Variants in PCDHB13 observed in about 807,000 individuals in gnomAD.
PCDHB13 encodes the protein protocadherin beta-13.
For missense variants in PCDHB13, 1,065 were observed against 1,016.7 expected (o/e 1.05, Z -0.65); for synonymous variants, 515 against 450.7 (o/e 1.14, Z -1.81).
In PCDHB13 at chr5:141,215,465, G is replaced by T. The variant is rs560843627; in HGVS notation, c.1342G>T (p.Ala448Ser). ...GCTGATCGCCGATGTCAATGACAAC[G>T]CTCCCGCCTTCACCCAAACCTCCTA... ...TVLIADVNDNAPAFTQTSYTL... is the reference protein window; with the variant it reads ...TVLIADVNDNSPAFTQTSYTL... Residue 448 changes from alanine (A) to serine (S), a missense_variant, in exon 1 of 1, where the codon GCT (alanine) becomes TCT (serine). Ala to Ser is a moderately conservative substitution (Grantham distance 99, BLOSUM62 1). Transcript: ENST00000341948. The T allele has an allele frequency of 1.3e-4, 202 of 1,613,926 alleles. No individual in the cohort carries two copies. Among genetic ancestry groups the T allele is most frequent in the Non-Finnish European group, 1.7e-4 (196 of 1,180,020 alleles).
Position 141,217,892 on chromosome 5 carries a change from C to A in PCDHB13, c.*1372C>A, listed in dbSNP as rs976452374. 1 of 167,008 alleles carries A rather than the reference C, an allele frequency of 6.0e-6. No individual in the cohort carries two copies. Among genetic ancestry groups the A allele is most frequent in the Non-Finnish European group, 1.5e-5 (1 of 68,168 alleles). 10.3% of individuals were successfully genotyped at this position (167,008 alleles called of 1,614,324 possible). ...AAAAGAGGAAATTCATGGGGATGAG[C>A]AAAATGACTACTTCCAGTGCCACAG... On this transcript the variant is annotated 3_prime_UTR_variant, in exon 1 of 1. Transcript: ENST00000341948.
Position 141,216,190 on chromosome 5 carries a change from C to T in PCDHB13, c.2067C>T (p.Tyr689=). The part of the protein sequence containing the change: ...TQAQADLLTV[Y]LVVALASVSS... ...CCCAGGCCGACTTGCTCACCGTCTACCTGGTGGTGGCGTTGGCCTCGGTGT... is the reference window on the plus strand; with the variant it reads ...CCCAGGCCGACTTGCTCACCGTCTATCTGGTGGTGGCGTTGGCCTCGGTGT... Residue 689 remains tyrosine, a synonymous_variant, in exon 1 of 1, where the codon TAC becomes TAT. Coordinates refer to ENST00000341948, the MANE Select transcript of PCDHB13 (RefSeq NM_018933.4). 2 of 1,612,584 alleles carry T rather than the reference C, an allele frequency of 1.2e-6. No individual in the cohort carries two copies. Among genetic ancestry groups the T allele is most frequent in the Non-Finnish European group, 8.5e-7 (1 of 1,179,876 alleles).
rs1291480054 is a variant in PCDHB13 at position 141,218,123 on chromosome 5, A to G, written c.*1603A>G. 2 of 154,686 alleles carry G rather than the reference A, an allele frequency of 1.3e-5. No homozygotes were observed. Among genetic ancestry groups the G allele is most frequent in the South Asian group, 4.1e-4 (2 of 4,820 alleles). 9.6% of individuals were successfully genotyped at this position (154,686 alleles called of 1,614,324 possible). A position where few individuals can be genotyped will look rare whatever the true frequency, so the allele number is the denominator to read the frequency against. ...GGCCACCACACCCACTAATTTTTGC[A>G]TATTTAGTAGAGACGAGGTTTCATC... is the stretch of plus-strand genomic sequence containing the variant. On this transcript the variant is annotated 3_prime_UTR_variant, in exon 1 of 1. Coordinates refer to ENST00000341948, the MANE Select transcript of PCDHB13 (RefSeq NM_018933.4).
chr5:141,216,106 C>A lies in PCDHB13; in HGVS notation c.1983C>A (p.Leu661=). ...PRSATATLHV[L]LVDGFSQPYL... is the part of the protein sequence containing the mutation. ...CGGCCACCGCCACGCTGCACGTGCT[C>A]CTGGTGGACGGCTTCTCCCAGCCCT... Residue 661 remains leucine, a synonymous_variant, in exon 1 of 1, where the codon CTC becomes CTA. Transcript: ENST00000341948. 1 of 1,608,756 alleles carries A rather than the reference C, an allele frequency of 6.2e-7. No homozygotes were observed. The highest frequency in any genetic ancestry group is 8.5e-7 in the Non-Finnish European group (1 of 1,179,716).
In PCDHB13 at chr5:141,215,934, A is replaced by C. The variant is rs782238474; in HGVS notation, c.1811A>C (p.Tyr604Ser). The change falls in exon 1 of 1, where the codon TAC (tyrosine) becomes TCC (serine). Residue 604 changes from tyrosine to serine, a missense_variant. Coordinates refer to ENST00000341948, the MANE Select transcript of PCDHB13 (RefSeq NM_018933.4). ...TCGGGCCAGAACGCCTGGCTGTCGT[A>C]CCAGCTGCTCAAGGCCACGGAGCTC... ...GDSGQNAWLS[Y>S]QLLKATELGL... The C allele has an allele frequency of 4.4e-6, 7 of 1,607,018 alleles. No homozygotes were observed. In the African/African-American group the frequency reaches 9.4e-5, roughly 21 times the overall value.
At position 141,215,537 on chromosome 5, in the gene PCDHB13, A is replaced by C. The variant is rs1554287944; in HGVS notation, c.1414A>C (p.Ser472Arg). The C allele has an allele frequency of 1.2e-6, 2 of 1,613,796 alleles. No homozygotes were observed. The highest frequency in any genetic ancestry group is 1.1e-5 in the South Asian group (1 of 91,054). Reference sequence around the variant, plus strand: ...CAACAGCCCCGCCCTGCACATCCGCAGCGTCAGCGCTACAGACAGAGACTC... The same window carrying C: ...CAACAGCCCCGCCCTGCACATCCGCCGCGTCAGCGCTACAGACAGAGACTC... ...ENNSPALHIR[S>R]VSATDRDSGT... Residue 472 changes from serine (S) to arginine (R), a missense_variant, in exon 1 of 1, where the codon AGC becomes CGC. Physicochemically the swap from Ser to Arg is moderately radical, Grantham distance 110. Transcript: ENST00000341948.
In PCDHB13 at chr5:141,216,050, C is replaced by A; in HGVS notation, c.1927C>A (p.Leu643Met). 6.2e-7 allele frequency: 1 copy of A among 1,606,554 alleles called. No individual in the cohort carries two copies. ...RDAAKHRLVV[L>M]VKDNGEPPRS... Reference sequence around the variant, plus strand: ...CGCGGCCAAGCACAGGCTGGTGGTGCTGGTCAAGGACAATGGCGAGCCTCC... The same window carrying A: ...CGCGGCCAAGCACAGGCTGGTGGTGATGGTCAAGGACAATGGCGAGCCTCC... The change falls in exon 1 of 1, where the codon CTG (leucine) becomes ATG (methionine). Residue 643 changes from leucine to methionine, a missense_variant. Transcript: ENST00000341948.
rs1350672028 is a variant in PCDHB13 at position 141,218,550 on chromosome 5, T to C, written c.*2030T>C. Reference sequence around the variant, plus strand: ...ACCTCCTGGGCTCAAGCAATCCTCCTGACGCAGCATCCCAAGTAGCCGGGA... The same window carrying C: ...ACCTCCTGGGCTCAAGCAATCCTCCCGACGCAGCATCCCAAGTAGCCGGGA... On this transcript the variant is annotated 3_prime_UTR_variant, in exon 1 of 1. Transcript: ENST00000341948. 6.5e-6 allele frequency: 1 copy of C among 152,996 alleles called. No homozygotes were observed. Among genetic ancestry groups the C allele is most frequent in the Non-Finnish European group, 1.5e-5 (1 of 68,264 alleles). The allele number at this position is 152,996 out of a possible 1,614,324, so 9.5% of individuals were successfully genotyped here.
Position 141,215,431 on chromosome 5 carries a change from T to A in PCDHB13, c.1308T>A (p.Asn436Lys). The stretch of plus-strand genomic sequence containing the variant: ...CCCCTATGCTGATAACACAGCTCAA[T>A]ATGACCGTGCTGATCGCCGATGTCA... ...LGTPMLITQL[N>K]MTVLIADVND... The change falls in exon 1 of 1, where the codon AAT (asparagine) becomes AAA (lysine). Residue 436 changes from asparagine (N) to lysine (K), a missense_variant. Asn to Lys is a moderately conservative substitution (Grantham distance 94). Transcript: ENST00000341948. 2 of 1,614,140 alleles carry A rather than the reference T, an allele frequency of 1.2e-6. No individual in the cohort carries two copies. Among genetic ancestry groups the A allele is most frequent in the Non-Finnish European group, 1.7e-6 (2 of 1,180,028 alleles).
rs1754523403 is a variant in PCDHB13, at chr5:141,214,334, G to A, written c.211G>A (p.Gly71Arg). Reference protein sequence around the residue: ...SRRGVRVVSRGNKLHLQLNQE... With the variant: ...SRRGVRVVSRRNKLHLQLNQE... ...GCGGGGGGTTAGGGTTGTTTCCAGA[G>A]GGAACAAACTACATTTGCAGCTCAA... is the stretch of plus-strand genomic sequence containing the variant. The change falls in exon 1 of 1, where the codon GGG (glycine) becomes AGG (arginine). Residue 71 changes from glycine to arginine, a missense_variant. Coordinates refer to ENST00000341948, the MANE Select transcript of PCDHB13 (RefSeq NM_018933.4). 1 of 1,412,120 alleles carries A rather than the reference G, an allele frequency of 7.1e-7. No homozygotes were observed. Among genetic ancestry groups the A allele is most frequent in the East Asian group, 2.4e-5 (1 of 42,504 alleles). The allele number at this position is 1,412,120 out of a possible 1,614,324, so 87.5% of individuals were successfully genotyped here.
At position 141,215,345 on chromosome 5, in the gene PCDHB13, C is replaced by T. The variant is rs782002750; in HGVS notation, c.1222C>T (p.Pro408Ser). The change falls in exon 1 of 1, where the codon CCA becomes TCA. Residue 408 changes from proline to serine, a missense_variant. Pro to Ser is a moderately conservative substitution (Grantham distance 74). Coordinates refer to ENST00000341948, the MANE Select transcript of PCDHB13 (RefSeq NM_018933.4). Reference sequence around the variant, plus strand: ...CTTTTACACCCTACTAACGGAGAGACCACTAGACAGAGAAAGCAGAGCGGA... The same window carrying T: ...CTTTTACACCCTACTAACGGAGAGATCACTAGACAGAGAAAGCAGAGCGGA... ...ENFYTLLTER[P>S]LDRESRAEYN... The T allele has an allele frequency of 1.2e-6, 2 of 1,614,160 alleles. No homozygotes were observed. The highest frequency in any genetic ancestry group is 1.7e-6 in the Non-Finnish European group (2 of 1,180,030).
At position 141,215,087 on chromosome 5, in the gene PCDHB13, G is replaced by A. The variant is rs782806642; in HGVS notation, c.964G>A (p.Ala322Thr). ...KLQSYEVNIE[A>T]RDAGTFSGKC... ...TCAGTCCTATGAAGTCAATATTGAG[G>A]CAAGAGATGCTGGAACCTTTTCTGG... is the stretch of plus-strand genomic sequence containing the variant. The change falls in exon 1 of 1, where the codon GCA (alanine) becomes ACA (threonine). Residue 322 changes from alanine to threonine, a missense_variant. Physicochemically the swap from Ala to Thr is moderately conservative, Grantham distance 58. Transcript: ENST00000341948. 3.0e-5 allele frequency: 49 copies of A among 1,614,024 alleles called. No individual in the cohort carries two copies. The highest frequency in any genetic ancestry group is 3.9e-5 in the Non-Finnish European group (46 of 1,180,040).
Position 141,215,089 on chromosome 5 carries a change from A to G in PCDHB13, c.966A>G (p.Ala322=), listed in dbSNP as rs746460308. 21 of 1,614,168 alleles carry G rather than the reference A, an allele frequency of 1.3e-5. No individual in the cohort carries two copies. The highest frequency in any genetic ancestry group is 1.7e-4 in the Middle Eastern group (1 of 6,060). Reference sequence around the variant, plus strand: ...AGTCCTATGAAGTCAATATTGAGGCAAGAGATGCTGGAACCTTTTCTGGAA... The same window carrying G: ...AGTCCTATGAAGTCAATATTGAGGCGAGAGATGCTGGAACCTTTTCTGGAA... ...KLQSYEVNIE[A]RDAGTFSGKC... The change falls in exon 1 of 1, where the codon GCA becomes GCG. Residue 322 remains alanine, a synonymous_variant. Transcript: ENST00000341948.
In PCDHB13 at chr5:141,214,662, G is replaced by T. The variant is rs782277933; in HGVS notation, c.539G>T (p.Arg180Leu). The T allele has an allele frequency of 6.2e-7, 1 of 1,613,958 alleles. No individual in the cohort carries two copies. Among genetic ancestry groups the T allele is most frequent in the Non-Finnish European group, 8.5e-7 (1 of 1,180,002 alleles). The change falls in exon 1 of 1, where the codon CGG (arginine) becomes CTG (leucine). Residue 180 changes from arginine (R) to leucine (L), a missense_variant. Coordinates refer to ENST00000341948, the MANE Select transcript of PCDHB13 (RefSeq NM_018933.4). ...NYIISPNSYFRVLTRKRSDGR... is the reference protein window; with the variant it reads ...NYIISPNSYFLVLTRKRSDGR... Reference sequence around the variant, plus strand: ...ATAATCAGCCCCAACTCCTATTTTCGGGTCCTCACCCGCAAACGCAGTGAT... The same window carrying T: ...ATAATCAGCCCCAACTCCTATTTTCTGGTCCTCACCCGCAAACGCAGTGAT...
rs1554287822 is a variant in PCDHB13 at position 141,215,218 on chromosome 5, G to C, written c.1095G>C (p.Val365=). The change falls in exon 1 of 1, where the codon GTG becomes GTC. Residue 365 remains valine, a synonymous_variant. Transcript: ENST00000341948. The part of the protein sequence containing the change: ...SPIPENAPET[V]VALFSVSDLD... ...TACCTGAGAACGCGCCTGAAACTGT[G>C]GTTGCACTTTTCAGTGTTTCAGATC... 7 of 1,614,098 alleles carry C rather than the reference G, an allele frequency of 4.3e-6. No individual in the cohort carries two copies. The East Asian group carries it at 1.6e-4, about 36-fold the overall frequency.
rs574563030 is a variant in PCDHB13 at position 141,215,996 on chromosome 5, C to A, written c.1873C>A (p.Arg625Ser). 1.4e-4 allele frequency: 227 copies of A among 1,606,906 alleles called. No homozygotes were observed. Among genetic ancestry groups the A allele is most frequent in the East Asian group, 2.5e-4 (11 of 44,866 alleles). ...CGTGTGGGCGCACAATGGCGAGGTGCGCACCGCCAGGCTGCTGAGCGAGCG... is the reference window on the plus strand; with the variant it reads ...CGTGTGGGCGCACAATGGCGAGGTGAGCACCGCCAGGCTGCTGAGCGAGCG... ...FGVWAHNGEVRTARLLSERDA... is the reference protein window; with the variant it reads ...FGVWAHNGEVSTARLLSERDA... The change falls in exon 1 of 1, where the codon CGC (arginine) becomes AGC (serine). Residue 625 changes from arginine to serine, a missense_variant. Coordinates refer to ENST00000341948, the MANE Select transcript of PCDHB13 (RefSeq NM_018933.4).
chr5:141,218,979 T>A lies in PCDHB13; in HGVS notation c.*2459T>A, dbSNP rs2149683662. 6.0e-6 allele frequency: 1 copy of A among 166,864 alleles called. No homozygotes were observed. The highest frequency in any genetic ancestry group is 2.1e-4 in the South Asian group (1 of 4,826). The allele number at this position is 166,864 out of a possible 1,614,324, so 10.3% of individuals were successfully genotyped here. On this transcript the variant is annotated 3_prime_UTR_variant, in exon 1 of 1. Transcript: ENST00000341948. ...AAGGGCCAAGTACTTGTCCTGTTAC[T>A]TCCAGTTTTTCTAGATATATGAGCA...
rs1243769181 is a variant in PCDHB13 at position 141,214,098 on chromosome 5, C to G, written c.-26C>G. The G allele has an allele frequency of 6.2e-7, 1 of 1,613,962 alleles. No homozygotes were observed. Among genetic ancestry groups the G allele is most frequent in the African/African-American group, 1.3e-5 (1 of 74,906 alleles). On this transcript the variant is annotated 5_prime_UTR_variant, in exon 1 of 1. Coordinates refer to ENST00000341948, the MANE Select transcript of PCDHB13 (RefSeq NM_018933.4). ...TTTACAGTCCCACAGAACCGTCCTC[C>G]CAGGAAGCTGAATCCAGCAAGAACA... is the stretch of plus-strand genomic sequence containing the variant.
Position 141,216,677 on chromosome 5 carries a change from T to G in PCDHB13, c.*157T>G. On this transcript the variant is annotated 3_prime_UTR_variant, in exon 1 of 1. Transcript: ENST00000341948. ...TTTGTTTTAAAGTGAACATTTACCT[T>G]TATTCCTGGTTCTTAAAAGGTGACA... 1 of 774,122 alleles carries G rather than the reference T, an allele frequency of 1.3e-6. No individual in the cohort carries two copies. Among genetic ancestry groups the G allele is most frequent in the South Asian group, 1.5e-5 (1 of 67,806 alleles). 48.0% of individuals were successfully genotyped at this position (774,122 alleles called of 1,614,324 possible).
Sources: gnomAD v4.1 joint callset for allele counts on GRCh38, gnomAD v4.1.1 for gene constraint, MANE v1.5 for transcripts, NCBI Gene and HGNC (gene_info 2026-07-23, HGNC 2026-07-21) for gene names.